The following SSUH2 variants were observed in gnomAD, a reference collection of about 807,000 sequenced individuals.
SSUH2 encodes the protein ssu-2 homolog, also known as protein SSUH2 homolog.
SSUH2 carries 47 observed loss-of-function variants against 55.3 expected under a neutral mutation model. The observed-to-expected ratio is 0.85, with a 90% confidence interval of 0.67 to 1.08. The LOEUF (loss-of-function observed/expected upper bound fraction) is 1.08, where lower values mean the gene tolerates loss of function less well. Ranked by LOEUF, SSUH2 falls within the 50% of genes least tolerant of loss-of-function variation. The pLI is 0.00. For missense variants in SSUH2, 535 were observed against 490.7 expected (o/e 1.09, Z -0.85); for synonymous variants, 212 against 191.5 (o/e 1.11, Z -0.89).
Position 8,629,741 on chromosome 3 carries a change from C to T in SSUH2, c.526-15G>A. The T allele has an allele frequency of 4.3e-6, 7 of 1,613,958 alleles. No individual in the cohort carries two copies. Among genetic ancestry groups the T allele is most frequent in the Non-Finnish European group, 5.9e-6 (7 of 1,179,880 alleles). On this transcript the variant is annotated splice_polypyrimidine_tract_variant and intron_variant, in intron 6 of 11. Transcript: ENST00000544814. ...TTGTGGCATTCCTGAAAGTGCAACG[C>T]TTTCTTGGGATCTAGTTTCCCAAGG...
chr3:8,631,965 G>GT (rs1698872063), intron 5 of SSUH2, 84 bp downstream of exon 5: 11 of 1,091,440 alleles, frequency 1.0e-5, no homozygotes, highest in African/African-American at 1.6e-5. Context: ...TTTGAGATGA[G>GT]TGCCTGAGCC....
At chr3:8,681,500 C>CGAT (rs1295075799) in intron 1 of SSUH2, among the ~76,000 whole-genome samples, 3 of 143,480 alleles carry the variant, frequency 2.1e-5, no homozygotes, top group Non-Finnish European at 3.1e-5. Flanking sequence ...CCCCACGAGG[C>CGAT]GGGGACTGAG....
intron 1 of SSUH2, among the ~76,000 whole-genome samples, chr3:8,642,365 G>A (rs968258950): frequency 2.0e-5 from 3 of 152,242 alleles, no homozygotes; most frequent in Non-Finnish European, 4.4e-5. Flanking sequence ...CTTAAACAGG[G>A]AACAGACATT....
intron 1 of SSUH2, among the ~76,000 whole-genome samples, chr3:8,681,166 G>A: frequency 7.0e-6 from 1 of 142,282 alleles, no homozygotes; most frequent in South Asian, 2.2e-4. Flanking sequence ...ATAGCAGGGG[G>A]GGGAGTCACC....
In SSUH2 at chr3:8,629,647, G is replaced by A; in HGVS notation, c.588+17C>T. ...CCACACCCTCACTGACTCACCAGTGGTTCACAGATGACTCACCGTGCCCGC... is the reference window on the plus strand; with the variant it reads ...CCACACCCTCACTGACTCACCAGTGATTCACAGATGACTCACCGTGCCCGC... On this transcript the variant is annotated intron_variant, in intron 7 of 11. Transcript: ENST00000544814. 6.2e-7 allele frequency: 1 copy of A among 1,613,786 alleles called. No individual in the cohort carries two copies. Among genetic ancestry groups the A allele is most frequent in the Non-Finnish European group, 8.5e-7 (1 of 1,179,762 alleles).
chr3:8,665,644 C>T (rs146937283), intron 5 of SSUH2, among the ~76,000 whole-genome samples: 1 of 152,166 alleles, frequency 6.6e-6, no homozygotes, highest in Non-Finnish European at 1.5e-5. Context: ...CAAAGTCCCC[C>T]CCGTTCACCA....
In SSUH2 at chr3:8,678,571, G is replaced by C. The variant is rs116343290; in HGVS notation, c.-901+1134C>G. ...GGCTCTTAGGACCCCAATCACAGAGGGGGGAACACCCCCCGCGAGGCAGGG... is the reference window on the plus strand; with the variant it reads ...GGCTCTTAGGACCCCAATCACAGAGCGGGGAACACCCCCCGCGAGGCAGGG... On this transcript the variant is annotated intron_variant, in intron 2 of 18. Transcript: ENST00000317371. 1.8e-5 allele frequency among the ~76,000 whole-genome samples: 2 copies of C among 113,892 alleles called. 1 individual carries two copies. Among genetic ancestry groups the C allele is most frequent in the Non-Finnish European group, 3.9e-5 (2 of 50,792 alleles). The allele number at this position is 113,892 out of a possible 152,430, so 74.7% of individuals were successfully genotyped here.
chr3:8,634,299 G>T, intron 3 of SSUH2: 1 of 1,012,904 alleles, frequency 9.9e-7, no homozygotes. Flanking sequence ...TGAGGACCGT[G>T]GGTGGGACGA....
chr3:8,670,449 C>T (rs757436473), intron 5 of SSUH2, among the ~76,000 whole-genome samples: 44 of 152,014 alleles, frequency 2.9e-4, no homozygotes, highest in Non-Finnish European at 5.3e-4. Context: ...AATAATATCA[C>T]AGCAGGTGTC....
At chr3:8,678,325 CTCTATTATGGGGAGTCATATCTG>C (rs1269280004) in intron 2 of SSUH2, among the ~76,000 whole-genome samples, 1 of 152,078 alleles carries the variant, frequency 6.6e-6, no homozygotes. Flanking sequence ...ACACCTCGTG[CTCTATTATGGGGAGTCATATCTG>C]TCTATTATGG....
At chr3:8,648,863 G>A (rs773436732), upstream of SSUH2, among the ~76,000 whole-genome samples, 8 of 152,088 alleles carry the variant, frequency 5.3e-5, no homozygotes, top group Non-Finnish European at 1.0e-4. Context: ...TTTCTTAAGA[G>A]ACTCTGGCCT....
intron 4 of SSUH2, 105 bp downstream of exon 4, chr3:8,633,561 G>C (rs1475502435): frequency 2.2e-6 from 2 of 894,862 alleles, no homozygotes; most frequent in East Asian, 2.8e-5. Context: ...CTGCCCCCAG[G>C]ACTCCTTTCC....
chr3:8,671,890 C>T (rs1704622405), intron 4 of SSUH2: 1 of 146,822 alleles, frequency 6.8e-6, no homozygotes, highest in Non-Finnish European at 1.5e-5. Context: ...CCCCCTCTCC[C>T]CACCTGGATA....
chr3:8,630,112 A>G (rs377157880), intron 6 of SSUH2, among the ~76,000 whole-genome samples: 1 of 152,224 alleles, frequency 6.6e-6, no homozygotes. Context: ...ATGAAAGGCA[A>G]TGAGCTAGCT....
intron 3 of SSUH2, among the ~76,000 whole-genome samples, chr3:8,676,636 A>G (rs574657648): frequency 6.0e-5 from 9 of 151,132 alleles, no homozygotes; most frequent in South Asian, 4.2e-4. Flanking sequence ...ATGGGGAGTC[A>G]TATCTGCCTA....
chr3:8,659,783 A>G, intron 6 of SSUH2: 1 of 456,550 alleles, frequency 2.2e-6, no homozygotes, highest in South Asian at 1.6e-5. Flanking sequence ...TGTAAGAGAT[A>G]TGGAGATTCA....
At position 8,678,057 on chromosome 3, in the gene SSUH2, C is replaced by A. The variant is rs529841012; in HGVS notation, c.-900-704G>T. Among the ~76,000 whole-genome samples the A allele has an allele frequency of 3.4e-4, 51 of 152,098 alleles. No homozygotes were observed. In the East Asian group the frequency reaches 5.8e-3, roughly 17 times the overall value. On this transcript the variant is annotated intron_variant, in intron 2 of 18. Transcript: ENST00000317371. ...TGTCATATCCTCCTCTCCCACGTTGCAATTAGAAACAATATCAGTGAGGGC... is the reference window on the plus strand; with the variant it reads ...TGTCATATCCTCCTCTCCCACGTTGAAATTAGAAACAATATCAGTGAGGGC...
chr3:8,633,854 G>T (rs752804824), intron 3 of SSUH2, 59 bp from the exon 4 acceptor site: 1 of 1,613,506 alleles, frequency 6.2e-7, no homozygotes, highest in Non-Finnish European at 8.5e-7. Context: ...GACTCACGCG[G>T]GCCAGCCAGC....
chr3:8,657,082 T>C (rs1703010721), intron 7 of SSUH2, among the ~76,000 whole-genome samples: 1 of 152,220 alleles, frequency 6.6e-6, no homozygotes, highest in Non-Finnish European at 1.5e-5. Context: ...GGTTTTGCCA[T>C]GTTGGCCAAG....
Sources: allele counts gnomAD v4.1 joint callset (sites outside exome capture counted in the v4.1 genomes callset), GRCh38; gene constraint gnomAD v4.1.1; transcripts MANE v1.5; gene names NCBI Gene and HGNC (gene_info 2026-07-23, HGNC 2026-07-21).